RBM5: variants seen among roughly 807,000 people sequenced by gnomAD.
RBM5 encodes RNA-binding protein 5.
In RBM5, 15 loss-of-function variants were observed where a neutral mutation model predicts 124.6. The observed-to-expected ratio is 0.12, with a 90% CI of 0.08 to 0.19. The LOEUF (loss-of-function observed/expected upper bound fraction) is 0.19, where lower values mean the gene tolerates loss of function less well. Among genes scored for constraint, RBM5 ranks in the 10% least tolerant of loss-of-function variants. The probability of loss-of-function intolerance (pLI) is 1.00; values close to 1 mark genes in which losing one functional copy is unlikely to be tolerated. For missense variants in RBM5, 580 were observed against 1,026.5 expected, an observed-to-expected ratio of 0.57 and a Z score of 5.94; for synonymous variants, 337 against 361.2, an observed-to-expected ratio of 0.93 and a Z score of 0.76.
intron 12 of RBM5, 148 bp from the exon 13 acceptor site, chr3:50,107,922 G>A: frequency 1.5e-6 from 1 of 682,900 alleles, no homozygotes; most frequent in Non-Finnish European, 2.6e-6. Flanking sequence ...CTGACCTCAG[G>A]TGATCCACCC....
At chr3:50,111,309 A>T (rs375989084) in intron 17 of RBM5, among the ~76,000 whole-genome samples, 2 of 152,216 alleles carry the variant, frequency 1.3e-5, no homozygotes, top group East Asian at 3.8e-4. Context: ...TAATCTCAGA[A>T]CATTTTCATC....
rs551797675 is a variant in RBM5 at position 50,118,524 on chromosome 3, G to A, written c.*68G>A. The stretch of plus-strand genomic sequence containing the variant: ...TCCATCTCCCGAATTCGCTGTTACC[G>A]CCTGTCTCTTTAAGGGCATGCCTTG... On this transcript the variant is annotated 3_prime_UTR_variant, in exon 25 of 25. Coordinates refer to ENST00000347869, the MANE Select transcript of RBM5 (RefSeq NM_005778.4). 26 of 1,558,432 alleles carry A rather than the reference G, an allele frequency of 1.7e-5. No homozygotes were observed. Among genetic ancestry groups the A allele is most frequent in the South Asian group, 4.6e-5 (4 of 86,098 alleles).
chr3:50,113,868 T>C, intron 18 of RBM5, 82 bp from the exon 19 acceptor site: 1 of 1,487,002 alleles, frequency 6.7e-7, no homozygotes, highest in Non-Finnish European at 9.1e-7. Context: ...GGGCATATAG[T>C]TGAGATAAGA....
At chr3:50,115,402 G>A (rs1046955724) in intron 20 of RBM5, 26 bp from the exon 21 acceptor site, 2 of 1,605,280 alleles carry the variant, frequency 1.2e-6, no homozygotes, top group African/African-American at 2.7e-5. Flanking sequence ...TACATTTCCA[G>A]TGACCTGTCC....
At chr3:50,092,943 C>CTTTTTTTTTTTTTTTTTTTT (rs530934301) in intron 3 of RBM5, 1 of 77,774 alleles carries the variant, frequency 1.3e-5, no homozygotes, top group Non-Finnish European at 2.2e-5. Flanking sequence ...CTTGATATAT[C>CTTTTTTTTTTTTTTTTTTTT]TTTTTTTTTT....
intron 4 of RBM5, among the ~76,000 whole-genome samples, chr3:50,099,255 C>CA (rs57080777): frequency 0.25 from 35,272 of 138,962 alleles, 5,879 homozygotes; most frequent in East Asian, 0.76. Flanking sequence ...GGCCCTGTCT[C>CA]AAAAAAAAAA....
Position 50,113,535 on chromosome 3 carries a change from A to G in RBM5, c.1608A>G (p.Thr536=). 6.2e-7 allele frequency: 1 copy of G among 1,613,670 alleles called. No homozygotes were observed. Among genetic ancestry groups the G allele is most frequent in the Non-Finnish European group, 8.5e-7 (1 of 1,179,808 alleles). ...KEKKEKPKSK[T]AQQIAKDMER... ...AGAAGGAGAAACCCAAGAGCAAAAC[A>G]GCCCAGCAGGTTAGAACATGACCCA... The change falls in exon 18 of 25, where the codon ACA becomes ACG. Residue 536 remains threonine (T), a synonymous_variant. Transcript: ENST00000347869.
At chr3:50,118,300 C>T (rs755885786) in intron 24 of RBM5, 31 bp from the exon 25 acceptor site, 1 of 1,613,444 alleles carries the variant, frequency 6.2e-7, no homozygotes, top group South Asian at 1.1e-5. Flanking sequence ...CATACCCTAC[C>T]TCCCAGCTGA....
intron 17 of RBM5, 98 bp downstream of exon 17, chr3:50,110,868 G>T: frequency 2.0e-6 from 2 of 1,005,450 alleles, no homozygotes; most frequent in South Asian, 3.8e-5. Flanking sequence ...AAGAATATAT[G>T]ACTCAGATTA....
intron 6 of RBM5, chr3:50,102,493 T>C (rs957839465): frequency 6.6e-6 from 1 of 152,270 alleles, no homozygotes; most frequent in African/African-American, 2.4e-5. Context: ...TTTAGTTGTT[T>C]TAGAGTTGGT....
chr3:50,091,927 TTAAAC>T (rs1177155330), intron 2 of RBM5, 111 bp from the exon 3 acceptor site: 3 of 1,007,902 alleles, frequency 3.0e-6, no homozygotes, highest in African/African-American at 8.0e-5. Flanking sequence ...TTTTAACACT[TTAAAC>T]TATTTGGATT....
At chr3:50,103,035 A>G in intron 6 of RBM5, 48 bp from the exon 7 acceptor site, 2 of 1,411,698 alleles carry the variant, frequency 1.4e-6, no homozygotes, top group Non-Finnish European at 2.0e-6. Flanking sequence ...GGGAAAATGG[A>G]CACATGTTCC....
At position 50,109,678 on chromosome 3, in the gene RBM5, C is replaced by G; in HGVS notation, c.1268C>G (p.Pro423Arg). 6.2e-7 allele frequency: 1 copy of G among 1,613,298 alleles called. No individual in the cohort carries two copies. The highest frequency in any genetic ancestry group is 8.5e-7 in the Non-Finnish European group (1 of 1,179,204). The part of the protein sequence containing the change: ...PQLYNQTSNP[P>R]GSPTEEAQPS... The stretch of plus-strand genomic sequence containing the variant: ...CTGTATAATCAAACCTCCAATCCAC[C>G]TGGCTCTCCGGTAATCCTGTTGTCC... Residue 423 changes from proline (P) to arginine (R), a missense_variant, in exon 15 of 25, where the codon CCT (proline) becomes CGT (arginine). Physicochemically the swap from Pro to Arg is moderately radical, Grantham distance 103. Around this residue, in one of 6 missense-constraint regions of RBM5, gnomAD observed 104 missense variants for 128.7 expected, o/e 0.81. Coordinates refer to ENST00000347869, the MANE Select transcript of RBM5 (RefSeq NM_005778.4).
At chr3:50,105,951 T>TTTG (rs879937470) in intron 10 of RBM5, among the ~76,000 whole-genome samples, 2 of 152,000 alleles carry the variant, frequency 1.3e-5, no homozygotes, top group South Asian at 4.2e-4. Flanking sequence ...TACTTTGTTT[T>TTTG]TTGTTGTTGT....
At chr3:50,098,848 A>G (rs1251803818) in intron 4 of RBM5, among the ~76,000 whole-genome samples, 1 of 152,168 alleles carries the variant, frequency 6.6e-6, no homozygotes, top group East Asian at 1.9e-4. Flanking sequence ...CCAAAGCGCT[A>G]GGATTATAGG....
At chr3:50,103,555 A>C (rs976791893) in intron 7 of RBM5, among the ~76,000 whole-genome samples, 3 of 152,202 alleles carry the variant, frequency 2.0e-5, no homozygotes, top group Non-Finnish European at 4.4e-5. Context: ...TTGAGGCAGG[A>C]AAATCTCTTG....
At chr3:50,105,321 A>T (rs1325127820) in intron 9 of RBM5, among the ~76,000 whole-genome samples, 179 bp downstream of exon 9, 1 of 152,010 alleles carries the variant, frequency 6.6e-6, no homozygotes, top group African/African-American at 2.4e-5. Flanking sequence ...AAAAAAAAAA[A>T]TTGACCTCAG....
Position 50,114,112 on chromosome 3 carries a change from A to G in RBM5, c.1767+13A>G. The G allele has an allele frequency of 6.2e-7, 1 of 1,613,558 alleles. No homozygotes were observed. Among genetic ancestry groups the G allele is most frequent in the Non-Finnish European group, 8.5e-7 (1 of 1,179,554 alleles). On this transcript the variant is annotated intron_variant, in intron 19 of 24. Coordinates refer to ENST00000347869, the MANE Select transcript of RBM5 (RefSeq NM_005778.4). ...CTTTGAGAAGAAGGTAATAGCAGGA[A>G]TGGCCAGTATGTCATGATGGGAACT...
intron 10 of RBM5, among the ~76,000 whole-genome samples, chr3:50,106,520 G>A (rs1575322779): frequency 6.6e-6 from 1 of 152,288 alleles, no homozygotes; most frequent in Non-Finnish European, 1.5e-5. Flanking sequence ...GCTCATCTCA[G>A]CCTCCCAAGT....
Sources: gnomAD v4.1 joint callset for allele counts (sites outside exome capture counted in the v4.1 genomes callset) on GRCh38, gnomAD v4.1.1 for gene constraint, gnomAD v4.1.1 regional missense constraint, MANE v1.5 for transcripts, NCBI Gene and HGNC (gene_info 2026-07-23, HGNC 2026-07-21) for gene names.